The following PHACTR3 variants were observed in gnomAD, a reference collection of about 807,000 sequenced individuals.
PHACTR3 encodes phosphatase and actin regulator 3, also known as protein phosphatase 1, regulatory subunit 123.
Under a neutral mutation model 66.8 loss-of-function variants are expected in PHACTR3, and 16 were observed. The observed-to-expected ratio is 0.24, with a 90% CI of 0.16 to 0.36. The LOEUF (loss-of-function observed/expected upper bound fraction) is 0.36. PHACTR3 is among the 10% of genes least tolerant of loss of function. The pLI, the probability that PHACTR3 is intolerant of heterozygous loss-of-function variation, is 1.00. For synonymous variants in PHACTR3, 323 were observed against 292.1 expected (o/e 1.11, Z -1.08); for missense variants, 647 against 719.9 (o/e 0.90, Z 1.16).
At chr20:59,722,231 CAAAA>C (rs1201824305) in intron 1 of PHACTR3, among the ~76,000 whole-genome samples, 1 of 100,624 alleles carries the variant, frequency 9.9e-6, no homozygotes, top group African/African-American at 3.6e-5. Context: ...GACTCTGTCT[CAAAA>C]AAAAAAGTAA....
intron 1 of PHACTR3, among the ~76,000 whole-genome samples, chr20:59,682,211 G>T (rs1471052777): frequency 2.0e-5 from 3 of 151,592 alleles, no homozygotes; most frequent in African/African-American, 7.3e-5. Flanking sequence ...GTGGTGGCGT[G>T]CACCTGTAGT....
chr20:59,683,219 C>T (rs1471692650), intron 1 of PHACTR3, among the ~76,000 whole-genome samples: 1 of 152,110 alleles, frequency 6.6e-6, no homozygotes, highest in African/African-American at 2.4e-5. Flanking sequence ...AGGGGAAGGC[C>T]GTGGTGGAGC....
chr20:59,735,471 A>G (rs2038913981), intron 1 of PHACTR3, among the ~76,000 whole-genome samples: 2 of 152,134 alleles, frequency 1.3e-5, no homozygotes, highest in South Asian at 4.2e-4. Context: ...TCACTCCCCC[A>G]GAGATATGGG....
Position 59,634,385 on chromosome 20 carries a change from A to G in PHACTR3, c.118+29253A>G, listed in dbSNP as rs75663146. 2.0e-3 allele frequency among the ~76,000 whole-genome samples: 309 copies of G among 152,306 alleles called. 11 individuals are homozygous for G. In the East Asian group the frequency reaches 0.051, roughly 25 times the overall value. On this transcript the variant is annotated intron_variant, in intron 1 of 12. Coordinates refer to ENST00000371015, the MANE Select transcript of PHACTR3 (RefSeq NM_080672.5). Reference sequence around the variant, plus strand: ...TTAACCTGGTTGCATTGCAGTGAAGATTCAATGAGAAAATGCAGGTAAAAC... The same window carrying G: ...TTAACCTGGTTGCATTGCAGTGAAGGTTCAATGAGAAAATGCAGGTAAAAC...
At chr20:59,582,226 A>G (rs1361889038) in intron 1 of PHACTR3, among the ~76,000 whole-genome samples, 2 of 152,292 alleles carry the variant, frequency 1.3e-5, no homozygotes, top group African/African-American at 4.8e-5. Context: ...ATGGCATCAC[A>G]CAGCACTTCT....
chr20:59,605,955 C>A (rs2033654515), intron 1 of PHACTR3, among the ~76,000 whole-genome samples: 1 of 151,976 alleles, frequency 6.6e-6, no homozygotes. Context: ...ATTTTCACTT[C>A]ACAGGGAGAA....
intron 8 of PHACTR3, among the ~76,000 whole-genome samples, chr20:59,833,408 A>G (rs2042443212): frequency 6.6e-6 from 1 of 152,248 alleles, no homozygotes; most frequent in South Asian, 2.1e-4. Flanking sequence ...CTGGCAAGTC[A>G]CAGGTTGGGT....
chr20:59,686,819 T>C (rs1338108015), intron 1 of PHACTR3, among the ~76,000 whole-genome samples: 1 of 151,276 alleles, frequency 6.6e-6, no homozygotes, highest in African/African-American at 2.4e-5. Flanking sequence ...ATGATGATGG[T>C]GATGGTGGTG....
At chr20:59,618,983 G>A (rs1568937885) in intron 1 of PHACTR3, among the ~76,000 whole-genome samples, 2 of 152,216 alleles carry the variant, frequency 1.3e-5, no homozygotes, top group South Asian at 2.1e-4. Context: ...GGAGTTGGAC[G>A]TGGATTCCGT....
chr20:59,784,198 A>C (rs1276665267), intron 7 of PHACTR3, among the ~76,000 whole-genome samples: 2 of 152,174 alleles, frequency 1.3e-5, no homozygotes, highest in African/African-American at 4.8e-5. Flanking sequence ...AATCCACTCC[A>C]GCCGCTGGCC....
intron 11 of PHACTR3, chr20:59,843,579 T>C (rs2059101276): frequency 6.6e-6 from 1 of 152,054 alleles, no homozygotes; most frequent in African/African-American, 2.4e-5. Flanking sequence ...GAACATAAAC[T>C]GGGGAAAGGA....
chr20:59,596,197 A>T (rs6128639), intron 1 of PHACTR3, among the ~76,000 whole-genome samples: 40,533 of 152,048 alleles, frequency 0.27, 5,517 homozygotes, highest in Admixed American at 0.28. Flanking sequence ...GTGCAGTGGC[A>T]TGATCTTGGA....
intron 5 of PHACTR3, among the ~76,000 whole-genome samples, chr20:59,768,764 G>A (rs1601311121): frequency 6.6e-6 from 1 of 152,204 alleles, no homozygotes; most frequent in East Asian, 1.9e-4. Flanking sequence ...ACTCTTGGGT[G>A]GAAAATGCTT....
At chr20:59,691,691 C>T (rs1270098342) in intron 1 of PHACTR3, among the ~76,000 whole-genome samples, 8 of 152,008 alleles carry the variant, frequency 5.3e-5, no homozygotes. Flanking sequence ...TATCTGATAA[C>T]TTTAGCAGGA....
At chr20:59,775,166 G>A (rs2146899959) in intron 7 of PHACTR3, among the ~76,000 whole-genome samples, 1 of 90,316 alleles carries the variant, frequency 1.1e-5, no homozygotes, top group Middle Eastern at 5.3e-3. Flanking sequence ...CTGTGATGAA[G>A]GGAGAAGGAG....
At chr20:59,768,109 A>G (rs1431944818) in intron 5 of PHACTR3, among the ~76,000 whole-genome samples, 2 of 152,346 alleles carry the variant, frequency 1.3e-5, no homozygotes, top group East Asian at 3.9e-4. Context: ...CCCCACAGTC[A>G]TACACTTATG....
intron 1 of PHACTR3, among the ~76,000 whole-genome samples, chr20:59,741,047 G>T (rs1315224646): frequency 1.3e-5 from 2 of 152,216 alleles, no homozygotes; most frequent in Non-Finnish European, 2.9e-5. Context: ...CACTGGTAAT[G>T]CCCCTTCCCC....
chr20:59,595,853 G>A (rs1233956181), intron 1 of PHACTR3, among the ~76,000 whole-genome samples: 4 of 152,054 alleles, frequency 2.6e-5, no homozygotes, highest in South Asian at 4.2e-4. Flanking sequence ...TGTTGTCCCT[G>A]GTAGCTTCTC....
intron 1 of PHACTR3, among the ~76,000 whole-genome samples, chr20:59,611,736 G>A (rs1186789820): frequency 2.6e-5 from 4 of 152,168 alleles, no homozygotes; most frequent in African/African-American, 7.2e-5. Context: ...CCCAGCCTCG[G>A]ATGTTGTTCC....
Sources: allele counts gnomAD v4.1 joint callset (sites outside exome capture counted in the v4.1 genomes callset), GRCh38; gene constraint gnomAD v4.1.1; transcripts MANE v1.5; gene names NCBI Gene and HGNC (gene_info 2026-07-23, HGNC 2026-07-21).